The following CDH18 variants were observed in gnomAD, a reference collection of about 807,000 sequenced individuals.
CDH18 encodes the protein cadherin 18, also known as cadherin-18.
In CDH18, 31 loss-of-function variants were observed where a neutral mutation model predicts 67.9. The observed-to-expected ratio is 0.46, with a 90% CI of 0.34 to 0.62. The LOEUF (loss-of-function observed/expected upper bound fraction) is 0.62. Among genes scored for constraint, CDH18 ranks in the 20% least tolerant of loss-of-function variants. CDH18 has a pLI of 0.01. For synonymous variants in CDH18, 362 were observed against 347.2 expected, an observed-to-expected ratio of 1.04 and a Z score of -0.48; for missense variants, 890 against 975.5, an observed-to-expected ratio of 0.91 and a Z score of 1.17.
chr5:19,598,782 A>G (rs548750795), intron 6 of CDH18, among the ~76,000 whole-genome samples: 78 of 152,284 alleles, frequency 5.1e-4, no homozygotes, highest in Non-Finnish European at 1.0e-3. Flanking sequence ...ACATCCCACA[A>G]TGAAGAGATG....
intron 2 of CDH18, among the ~76,000 whole-genome samples, chr5:20,230,913 A>G (rs865913234): frequency 1.3e-5 from 2 of 152,174 alleles, no homozygotes; most frequent in Non-Finnish European, 2.9e-5. Flanking sequence ...GTATACACAG[A>G]GAGGGAAAAA....
chr5:20,295,727 A>G (rs75679565), intron 1 of CDH18, among the ~76,000 whole-genome samples: 1 of 146,150 alleles, frequency 6.8e-6, no homozygotes, highest in South Asian at 2.1e-4. Context: ...ACTCTGTCTC[A>G]AAAAAAAAAA....
intron 1 of CDH18, among the ~76,000 whole-genome samples, chr5:20,291,995 A>C (rs1487759851): frequency 6.6e-6 from 1 of 152,004 alleles, no homozygotes; most frequent in Non-Finnish European, 1.5e-5. Flanking sequence ...TCATGTCATC[A>C]TGTCCAATTT....
chr5:20,183,682 G>A (rs183852736), intron 2 of CDH18, among the ~76,000 whole-genome samples: 1 of 152,072 alleles, frequency 6.6e-6, no homozygotes, highest in Admixed American at 6.6e-5. Flanking sequence ...CATTTCACAT[G>A]GATTCACTTG....
chr5:19,708,384 A>G (rs757505392), intron 5 of CDH18, among the ~76,000 whole-genome samples: 4 of 152,064 alleles, frequency 2.6e-5, no homozygotes, highest in Non-Finnish European at 4.4e-5. Context: ...GCAGATGTGG[A>G]TCGTGATTCC....
At chr5:19,800,330 T>G (rs1029621081) in intron 3 of CDH18, among the ~76,000 whole-genome samples, 16 of 152,106 alleles carry the variant, frequency 1.1e-4, no homozygotes, top group African/African-American at 3.9e-4. Context: ...TAGCACGTAG[T>G]CATAAACCTC....
intron 2 of CDH18, among the ~76,000 whole-genome samples, chr5:20,205,279 G>A (rs1256101523): frequency 2.0e-5 from 3 of 151,790 alleles, no homozygotes; most frequent in African/African-American, 7.2e-5. Flanking sequence ...TATACCAAGA[G>A]ACAATGAAAG....
At chr5:20,069,537 C>G (rs1047548089) in intron 2 of CDH18, among the ~76,000 whole-genome samples, 1 of 151,808 alleles carries the variant, frequency 6.6e-6, no homozygotes, top group Non-Finnish European at 1.5e-5. Context: ...CTCAGCCTCC[C>G]GAGTAGCTGG....
chr5:20,033,912 T>G (rs920072131), intron 2 of CDH18, among the ~76,000 whole-genome samples: 1 of 152,080 alleles, frequency 6.6e-6, no homozygotes, highest in Non-Finnish European at 1.5e-5. Flanking sequence ...CAGTATAAAT[T>G]TGATGTATAT....
intron 2 of CDH18, among the ~76,000 whole-genome samples, chr5:20,206,434 A>G (rs769236291): frequency 5.3e-5 from 8 of 151,860 alleles, no homozygotes; most frequent in Non-Finnish European, 1.0e-4. Flanking sequence ...TTCTATTCAA[A>G]GTCTTCAAAA....
At chr5:19,536,001 G>GAATCA (rs1265999828) in intron 9 of CDH18, among the ~76,000 whole-genome samples, 1 of 152,148 alleles carries the variant, frequency 6.6e-6, no homozygotes, top group Non-Finnish European at 1.5e-5. Flanking sequence ...ATTGTGTAGT[G>GAATCA]AATCATGAAG....
intron 1 of CDH18, among the ~76,000 whole-genome samples, chr5:20,283,170 T>C (rs1259246341): frequency 6.6e-6 from 1 of 152,046 alleles, no homozygotes; most frequent in Non-Finnish European, 1.5e-5. Context: ...AAATAACTTT[T>C]GTAAACTCTC....
chr5:19,862,638 G>A (rs1420998007), intron 2 of CDH18, among the ~76,000 whole-genome samples: 1 of 152,202 alleles, frequency 6.6e-6, no homozygotes, highest in Non-Finnish European at 1.5e-5. Context: ...AATGGTATAA[G>A]CACAACAAAA....
At chr5:20,093,345 C>T (rs1452610435) in intron 2 of CDH18, among the ~76,000 whole-genome samples, 1 of 114,824 alleles carries the variant, frequency 8.7e-6, no homozygotes, top group African/African-American at 2.7e-5. Flanking sequence ...AACAATAACT[C>T]CTCCTGTATT....
chr5:20,005,755 C>T (rs1408508179), intron 2 of CDH18, among the ~76,000 whole-genome samples: 1 of 151,942 alleles, frequency 6.6e-6, no homozygotes, highest in African/African-American at 2.4e-5. Context: ...ACAAAAGAAT[C>T]ATTAGGTTAA....
At position 19,547,190 on chromosome 5, in the gene CDH18, G is replaced by T. The variant is rs558927411; in HGVS notation, c.1254-3185C>A. On this transcript the variant is annotated intron_variant, in intron 8 of 12. Transcript: ENST00000382275. ...TGAGGATGAGGGTTGAACTGGTTAG[G>T]AAATGACAGATGTCTTATCATGTGG... Among the ~76,000 whole-genome samples, 4 of 152,286 alleles carry T rather than the reference G, an allele frequency of 2.6e-5. No individual in the cohort carries two copies. In the East Asian group the frequency reaches 7.7e-4, roughly 29 times the overall value.
At chr5:20,022,300 C>G (rs1386843074) in intron 2 of CDH18, among the ~76,000 whole-genome samples, 1 of 152,130 alleles carries the variant, frequency 6.6e-6, no homozygotes, top group East Asian at 1.9e-4. Flanking sequence ...AAGGAAGTAG[C>G]TGGTAAGGTT....
At chr5:19,658,262 G>A (rs1480760153) in intron 5 of CDH18, among the ~76,000 whole-genome samples, 2 of 151,954 alleles carry the variant, frequency 1.3e-5, no homozygotes, top group African/African-American at 2.4e-5. Flanking sequence ...AAGAATTATA[G>A]CATGTCTATC....
At position 20,114,213 on chromosome 5, in the gene CDH18, A is replaced by G. The variant is rs1747707436; in HGVS notation, c.-517-122199T>C. On this transcript the variant is annotated intron_variant, in intron 2 of 14. Transcript: ENST00000507958. ...TCTGTCAAATAAACTGTACCTAAAA[A>G]TATCTTGGAAATATTTTGAAATAAA... is the stretch of plus-strand genomic sequence containing the variant. Among the ~76,000 whole-genome samples the G allele has an allele frequency of 3.9e-5, 6 of 152,360 alleles. No homozygotes were observed. In the South Asian group the frequency reaches 1.0e-3, roughly 26 times the overall value.
Sources: allele counts gnomAD v4.1 joint callset (sites outside exome capture counted in the v4.1 genomes callset), GRCh38; gene constraint gnomAD v4.1.1; transcripts MANE v1.5; gene names NCBI Gene and HGNC (gene_info 2026-07-23, HGNC 2026-07-21).